DHX32: variants seen among roughly 807,000 people sequenced by gnomAD.
The protein encoded by DHX32 is putative pre-mRNA-splicing factor ATP-dependent RNA helicase DHX32.
In DHX32, 51 loss-of-function variants were observed where a neutral mutation model predicts 70.0. The observed-to-expected ratio is 0.73, with a 90% CI of 0.58 to 0.92. The LOEUF is 0.92. Ranked by LOEUF, DHX32 falls within the 40% of genes least tolerant of loss-of-function variation. DHX32 has a pLI of 0.00. For synonymous variants in DHX32, 310 were observed against 315.3 expected (o/e 0.98, Z 0.18); for missense variants, 762 against 891.8 (o/e 0.85, Z 1.85).
At chr10:125,883,489 C>T (rs1430710873), upstream of DHX32, among the ~76,000 whole-genome samples, 2 of 152,160 alleles carry the variant, frequency 1.3e-5, no homozygotes, top group East Asian at 3.8e-4. Context: ...CGGGAAGAGA[C>T]CAAAGCTGAA....
At chr10:125,886,774 T>C (rs1310062764) in intron 1 of DHX32, among the ~76,000 whole-genome samples, 1 of 152,258 alleles carries the variant, frequency 6.6e-6, no homozygotes, top group Non-Finnish European at 1.5e-5. Flanking sequence ...AGTTATCATG[T>C]TGAAAAGTAC....
chr10:125,871,350 C>T (rs1172841861), intron 1 of DHX32, among the ~76,000 whole-genome samples: 1 of 152,146 alleles, frequency 6.6e-6, no homozygotes, highest in Non-Finnish European at 1.5e-5. Flanking sequence ...TTACAATAAC[C>T]AGTAGAAGAC....
chr10:125,846,293 G>A (rs1337559024), intron 6 of DHX32, among the ~76,000 whole-genome samples: 1 of 152,136 alleles, frequency 6.6e-6, no homozygotes, highest in East Asian at 1.9e-4. Flanking sequence ...ACAAGAGTTG[G>A]CACTGTAGTT....
In DHX32 at chr10:125,841,903, G is replaced by A. The variant is rs754110250; in HGVS notation, c.1383C>T (p.Asp461=). 81 of 1,605,204 alleles carry A rather than the reference G, an allele frequency of 5.0e-5. No homozygotes were observed. The highest frequency in any genetic ancestry group is 6.4e-5 in the Non-Finnish European group (75 of 1,177,848). Residue 461 remains aspartate (D), a synonymous_variant, in exon 7 of 11, where the codon GAC becomes GAT. Coordinates refer to ENST00000284690, the MANE Select transcript of DHX32 (RefSeq NM_018180.3). The part of the protein sequence containing the change: ...APESLMQALE[D]LDYLAALDND... The stretch of plus-strand genomic sequence containing the variant: ...TATCCAGTGCTGCCAGATAATCTAA[G>A]TCTTCCAATGCCTGCATCAAACTTT...
intron 2 of DHX32, among the ~76,000 whole-genome samples, chr10:125,860,430 C>T (rs143312245): frequency 1.9e-3 from 287 of 152,316 alleles, no homozygotes; most frequent in African/African-American, 6.6e-3. Flanking sequence ...GGCTCAGGCT[C>T]ATGGTCCTGC....
intron 1 of DHX32, among the ~76,000 whole-genome samples, chr10:125,895,857 G>A (rs1053364772): frequency 3.3e-5 from 5 of 151,984 alleles, no homozygotes; most frequent in African/African-American, 1.2e-4. Flanking sequence ...TTCAGGAGAC[G>A]CGCCAGGCTC....
chr10:125,849,154 C>CA (rs1180062765), intron 6 of DHX32, among the ~76,000 whole-genome samples: 1 of 152,200 alleles, frequency 6.6e-6, no homozygotes, highest in East Asian at 1.9e-4. Flanking sequence ...GAATTCATCG[C>CA]AAAATAAACA....
chr10:125,853,031 T>C (rs1239607332), intron 4 of DHX32: 7 of 877,326 alleles, frequency 8.0e-6, no homozygotes, highest in South Asian at 3.4e-5. Context: ...ACCAGGATCT[T>C]GGTGGTCTCA....
intron 10 of DHX32, 98 bp from the exon 11 acceptor site, chr10:125,836,953 C>G: frequency 1.0e-6 from 1 of 983,992 alleles, no homozygotes; most frequent in Non-Finnish European, 1.5e-6. Context: ...GGAGAATCTA[C>G]CTGTAGAACC....
intron 1 of DHX32, among the ~76,000 whole-genome samples, chr10:125,893,128 C>T (rs1320821899): frequency 2.0e-5 from 3 of 152,298 alleles, no homozygotes; most frequent in Non-Finnish European, 4.4e-5. Flanking sequence ...AACCGTGTAG[C>T]ACCCCCAGTA....
chr10:125,890,631 TAAC>T (rs1332037780), intron 1 of DHX32: 1 of 152,338 alleles, frequency 6.6e-6, no homozygotes, highest in East Asian at 1.9e-4. Flanking sequence ...ATTATATTAA[TAAC>T]AACAGATACT....
chr10:125,885,423 C>T (rs976828298), upstream of DHX32, among the ~76,000 whole-genome samples: 1 of 152,050 alleles, frequency 6.6e-6, no homozygotes, highest in African/African-American at 2.4e-5. Context: ...TTACATGAGT[C>T]TTAACAATCA....
intron 1 of DHX32, among the ~76,000 whole-genome samples, chr10:125,879,157 G>A (rs945698372): frequency 2.7e-5 from 4 of 150,256 alleles, no homozygotes; most frequent in Non-Finnish European, 4.4e-5. Flanking sequence ...TTGGGTAGCT[G>A]GGACCACAGG....
chr10:125,891,663 C>T (rs1188026115), intron 1 of DHX32, among the ~76,000 whole-genome samples: 23 of 152,300 alleles, frequency 1.5e-4, no homozygotes, highest in African/African-American at 4.3e-4. Flanking sequence ...TTTACATGAA[C>T]TTTAATAAAA....
intron 1 of DHX32, among the ~76,000 whole-genome samples, chr10:125,868,084 C>A (rs1432925760): frequency 6.6e-6 from 1 of 152,090 alleles, no homozygotes; most frequent in East Asian, 1.9e-4. Flanking sequence ...TCTAAATAAA[C>A]CCAGTGAGAT....
intron 1 of DHX32, among the ~76,000 whole-genome samples, chr10:125,874,773 AAG>A (rs1272676971): frequency 6.6e-6 from 1 of 152,210 alleles, no homozygotes; most frequent in African/African-American, 2.4e-5. Context: ...AAGATATAGA[AAG>A]AGAGATAAAA....
intron 1 of DHX32, among the ~76,000 whole-genome samples, chr10:125,888,343 T>C (rs1352458759): frequency 1.3e-5 from 2 of 152,068 alleles, no homozygotes; most frequent in African/African-American, 2.4e-5. Flanking sequence ...AGTGGGACTA[T>C]AGGAACACAC....
At position 125,836,768 on chromosome 10, in the gene DHX32, T is replaced by C. The variant is rs752862867; in HGVS notation, c.2151A>G (p.Leu717=). The C allele has an allele frequency of 2.5e-6, 4 of 1,614,174 alleles. No individual in the cohort carries two copies. The South Asian group carries it at 3.3e-5, about 13-fold the overall frequency. ...CCTTATTCATTGTTGACACAGGGGA[T>C]AGGTGATCCACTACTTGCTGTAGAA... ...KDILQQVVDH[L]SPVSTMNKEQ... Residue 717 remains leucine, a synonymous_variant, in exon 11 of 11, where the codon CTA becomes CTG. Coordinates refer to ENST00000284690, the MANE Select transcript of DHX32 (RefSeq NM_018180.3).
rs561196561 is a variant in DHX32 at position 125,893,708 on chromosome 10, A to G, written c.-248+2510T>C. 1.4e-4 allele frequency among the ~76,000 whole-genome samples: 22 copies of G among 152,370 alleles called. No individual in the cohort carries two copies. In the South Asian group the frequency reaches 4.3e-3, roughly 30 times the overall value. On this transcript the variant is annotated intron_variant, in intron 1 of 2. Transcript: ENST00000415732. ...TGACAGAACTCCCTAAGAGTTTCAG[A>G]AAGTATCAGATAGAGAAAAAAGTAC...
Sources: allele counts gnomAD v4.1 joint callset (sites outside exome capture counted in the v4.1 genomes callset), GRCh38; gene constraint gnomAD v4.1.1; transcripts MANE v1.5; gene names NCBI Gene and HGNC (gene_info 2026-07-23, HGNC 2026-07-21).